The following DPYSL2 variants were observed in gnomAD, a reference collection of about 807,000 sequenced individuals.
DPYSL2 encodes the protein dihydropyrimidinase-related protein 2.
In DPYSL2, 13 loss-of-function variants were observed where a neutral mutation model predicts 69.9. That is an observed-to-expected ratio of 0.19 (90% confidence interval 0.12 to 0.30). The LOEUF (loss-of-function observed/expected upper bound fraction) is 0.30, where lower values mean the gene tolerates loss of function less well. Among genes scored for constraint, DPYSL2 ranks in the 10% least tolerant of loss-of-function variants. DPYSL2 has a pLI of 1.00. For missense variants in DPYSL2, 587 were observed against 918.9 expected, an observed-to-expected ratio of 0.64 and a Z score of 4.67; for synonymous variants, 326 against 359.1, an observed-to-expected ratio of 0.91 and a Z score of 1.04.
At chr8:26,532,806 C>A (rs901741477) in intron 1 of DPYSL2, among the ~76,000 whole-genome samples, 1 of 152,126 alleles carries the variant, frequency 6.6e-6, no homozygotes, top group African/African-American at 2.4e-5. Context: ...CACTTTTTAG[C>A]TATTATGAAT....
At chr8:26,639,309 C>T (rs1008156612) in intron 8 of DPYSL2, among the ~76,000 whole-genome samples, 3 of 152,166 alleles carry the variant, frequency 2.0e-5, no homozygotes, top group Admixed American at 6.6e-5. Context: ...TCAACTCACA[C>T]GATTGTGGGG....
At chr8:26,579,954 GCC>G (rs56385974) in intron 1 of DPYSL2, among the ~76,000 whole-genome samples, 65,022 of 122,544 alleles carry the variant, frequency 0.53, 17,524 homozygotes, top group East Asian at 0.74. Flanking sequence ...TTTAAAGAGC[GCC>G]CCCCCCCCCA....
At chr8:26,599,269 C>T (rs1801938366) in intron 3 of DPYSL2, among the ~76,000 whole-genome samples, 1 of 152,132 alleles carries the variant, frequency 6.6e-6, no homozygotes, top group African/African-American at 2.4e-5. Flanking sequence ...GCTGAACATT[C>T]CTGCCTTCTT....
Position 26,609,460 on chromosome 8 carries a change from G to A in DPYSL2, c.629-14683G>A, listed in dbSNP as rs985084588. On this transcript the variant is annotated intron_variant, in intron 3 of 13. Transcript: ENST00000521913. This position sits in a 1 kb window ranked among gnomAD's most constrained non-coding sequence, Gnocchi z 6.5. ...AGGAACCAACAGGAAGGAAAACGAA[G>A]TCAAACCCAGTCTTTGCACGTGGAA... Among the ~76,000 whole-genome samples the A allele has an allele frequency of 4.6e-5, 7 of 152,198 alleles. No individual in the cohort carries two copies. Among genetic ancestry groups the A allele is most frequent in the African/African-American group, 1.7e-4 (7 of 41,456 alleles).
intron 1 of DPYSL2, among the ~76,000 whole-genome samples, chr8:26,537,611 T>TACAC (rs56080102): frequency 4.1e-5 from 6 of 147,648 alleles, no homozygotes; most frequent in South Asian, 2.2e-4. Flanking sequence ...ATTCTCTCTC[T>TACAC]ACACACACAC....
intron 1 of DPYSL2, among the ~76,000 whole-genome samples, chr8:26,543,878 C>T (rs1026148187): frequency 6.6e-6 from 1 of 152,192 alleles, no homozygotes; most frequent in Non-Finnish European, 1.5e-5. Context: ...CTCCTGACCT[C>T]AGGTGATCCA....
At chr8:26,592,274 G>T (rs1801743924) in intron 3 of DPYSL2, among the ~76,000 whole-genome samples, 1 of 152,088 alleles carries the variant, frequency 6.6e-6, no homozygotes, top group Non-Finnish European at 1.5e-5. Flanking sequence ...CAATCCTCTT[G>T]TCCCAGTAGT....
intron 1 of DPYSL2, among the ~76,000 whole-genome samples, chr8:26,558,874 G>A (rs1186200845): frequency 2.0e-5 from 3 of 152,096 alleles, no homozygotes; most frequent in Non-Finnish European, 2.9e-5. Flanking sequence ...AAAATTAATA[G>A]TTATATGGTT....
chr8:26,562,707 G>T lies in DPYSL2; in HGVS notation c.355-19262G>T, dbSNP rs1801092430. Among the ~76,000 whole-genome samples, 1 of 152,190 alleles carries T rather than the reference G, an allele frequency of 6.6e-6. No homozygotes were observed. Among genetic ancestry groups the T allele is most frequent in the Admixed American group, 6.5e-5 (1 of 15,278 alleles). ...AATAGCCCCAAAATATAGTGGCAAAGACCAACAACACTCTTACTGTGCTCA... is the reference window on the plus strand; with the variant it reads ...AATAGCCCCAAAATATAGTGGCAAATACCAACAACACTCTTACTGTGCTCA... On this transcript the variant is annotated intron_variant, in intron 1 of 13. Transcript: ENST00000521913. The surrounding 1 kb of genome is among the most constrained non-coding windows in gnomAD (Gnocchi z 4.9).
Position 26,560,169 on chromosome 8 carries a change from C to T in DPYSL2, c.355-21800C>T, listed in dbSNP as rs1324581653. Among the ~76,000 whole-genome samples the T allele has an allele frequency of 1.3e-5, 2 of 152,162 alleles. No individual in the cohort carries two copies. The highest frequency in any genetic ancestry group is 2.9e-5 in the Non-Finnish European group (2 of 68,024). On this transcript the variant is annotated intron_variant, in intron 1 of 13. Coordinates refer to ENST00000521913, the MANE Select transcript of DPYSL2 (RefSeq NM_001197293.3). This position sits in a 1 kb window ranked among gnomAD's most constrained non-coding sequence, Gnocchi z 4.4. ...TTAATCAGGAGCAGACGCGACCATT[C>T]CCGACGGCCTTGGCAGCTCACTCTG... is the stretch of plus-strand genomic sequence containing the variant.
At chr8:26,549,374 A>G (rs1800836806) in intron 1 of DPYSL2, among the ~76,000 whole-genome samples, 1 of 131,408 alleles carries the variant, frequency 7.6e-6, no homozygotes, top group Non-Finnish European at 1.7e-5. Context: ...ATGGAAATGA[A>G]GAGAGAGAAA....
intron 3 of DPYSL2, among the ~76,000 whole-genome samples, chr8:26,615,420 T>A (rs185566094): frequency 1.3e-5 from 2 of 152,268 alleles, no homozygotes; most frequent in Admixed American, 1.3e-4. Flanking sequence ...GAGTTTAAAA[T>A]CCAGGCCCTG....
Position 26,571,074 on chromosome 8 carries a change from G to A in DPYSL2, c.355-10895G>A, listed in dbSNP as rs1345293761. Among the ~76,000 whole-genome samples the A allele has an allele frequency of 6.6e-6, 1 of 152,186 alleles. No homozygotes were observed. The highest frequency in any genetic ancestry group is 1.5e-5 in the Non-Finnish European group (1 of 68,032). On this transcript the variant is annotated intron_variant, in intron 1 of 13. Transcript: ENST00000521913. The surrounding 1 kb of genome is among the most constrained non-coding windows in gnomAD (Gnocchi z 6.1). ...ATAATATTTACCACTCTTTCATAAT[G>A]TTCCCCCTGGACAAAGAGCAGACCA... is the stretch of plus-strand genomic sequence containing the variant.
At chr8:26,636,547 G>A (rs1206449256) in intron 8 of DPYSL2, among the ~76,000 whole-genome samples, 1 of 152,160 alleles carries the variant, frequency 6.6e-6, no homozygotes, top group African/African-American at 2.4e-5. Flanking sequence ...GAAGACGGAG[G>A]GGTCCTACAT....
intron 1 of DPYSL2, among the ~76,000 whole-genome samples, chr8:26,579,366 C>A (rs1348224460): frequency 6.6e-6 from 1 of 152,252 alleles, no homozygotes; most frequent in Non-Finnish European, 1.5e-5. Context: ...CCTATTCTTT[C>A]CATCCCCAGT....
chr8:26,536,128 CAG>C (rs1416452733), intron 1 of DPYSL2, among the ~76,000 whole-genome samples: 3 of 145,910 alleles, frequency 2.1e-5, no homozygotes, highest in Non-Finnish European at 4.5e-5. Context: ...TTTCTAGAGA[CAG>C]AGTCTTGCTA....
At chr8:26,613,380 T>C (rs1296152951) in intron 3 of DPYSL2, among the ~76,000 whole-genome samples, 1 of 152,104 alleles carries the variant, frequency 6.6e-6, no homozygotes, top group Admixed American at 6.5e-5. Flanking sequence ...GCCCAGGCCA[T>C]GAGGAAGGAA....
In DPYSL2 at chr8:26,627,251, G is replaced by T. The variant is rs143980725; in HGVS notation, c.892G>T (p.Ala298Ser). 26 of 1,614,054 alleles carry T rather than the reference G, an allele frequency of 1.6e-5. No individual in the cohort carries two copies. Among genetic ancestry groups the T allele is most frequent in the East Asian group, 2.2e-5 (1 of 44,890 alleles). Reference protein sequence around the residue: ...EVLSVIRDIGAIAQVHAENGD... With the variant: ...EVLSVIRDIGSIAQVHAENGD... ...ACTGAGTGTGATCCGGGATATTGGC[G>T]CCATAGCCCAAGTCCACGCAGAAAA... Residue 298 changes from alanine (A) to serine (S), a missense_variant, in exon 6 of 14, where the codon GCC becomes TCC. Ala to Ser is a moderately conservative substitution (Grantham distance 99). This residue lies in a region of DPYSL2 where 452 missense variants were observed against 754.3 expected (regional missense o/e 0.60). Transcript: ENST00000521913. This position sits in a 1 kb window ranked among gnomAD's most constrained non-coding sequence, Gnocchi z 6.9.
At chr8:26,550,787 C>T (rs1436375304) in intron 1 of DPYSL2, among the ~76,000 whole-genome samples, 2 of 152,164 alleles carry the variant, frequency 1.3e-5, no homozygotes, top group African/African-American at 4.8e-5. Flanking sequence ...GTCTGAAGGC[C>T]TCAGATGCAA....
Sources: gnomAD v4.1 joint callset for allele counts (sites outside exome capture counted in the v4.1 genomes callset) on GRCh38, gnomAD v4.1.1 for gene constraint, gnomAD v4.1.1 regional missense constraint, Gnocchi (gnomAD v3.1) non-coding constraint, MANE v1.5 for transcripts, NCBI Gene and HGNC (gene_info 2026-07-23, HGNC 2026-07-21) for gene names.